Variants in KCNQ4 observed in about 807,000 individuals in gnomAD.
KCNQ4 encodes the protein potassium voltage-gated channel subfamily Q member 4.
A neutral mutation model predicts 72.6 loss-of-function variants in KCNQ4; 31 were observed. The observed-to-expected ratio is 0.43, with a 90% CI of 0.32 to 0.58. The LOEUF is 0.58. Ranked by LOEUF, KCNQ4 falls within the 20% of genes least tolerant of loss-of-function variation. The pLI is 0.08. For missense variants in KCNQ4, 869 were observed against 962.6 expected, an observed-to-expected ratio of 0.90 and a Z score of 1.29; for synonymous variants, 405 against 403.7, an observed-to-expected ratio of 1.00 and a Z score of -0.04.
rs947331847 is a variant in KCNQ4, at chr1:40,788,700, CCTG to C, written c.314+4294_314+4296del. On this transcript the variant is annotated intron_variant, in intron 1 of 13. Transcript: ENST00000347132. This position sits in a 1 kb window ranked among gnomAD's most constrained non-coding sequence, Gnocchi z 4.5. ...GTCCAGGCTCCTCAAGAACAGCACTCCTGTGTCATCTGTCCGTCCATCCCAGCA... is the reference window on the plus strand; with the variant it reads ...GTCCAGGCTCCTCAAGAACAGCACTCTGTCATCTGTCCGTCCATCCCAGCA... Among the ~76,000 whole-genome samples the C allele has an allele frequency of 2.0e-5, 3 of 152,198 alleles. No individual in the cohort carries two copies. The highest frequency in any genetic ancestry group is 4.4e-5 in the Non-Finnish European group (3 of 68,036).
At chr1:40,821,617 G>C (rs1648293887) in intron 7 of KCNQ4, among the ~76,000 whole-genome samples, 1 of 152,176 alleles carries the variant, frequency 6.6e-6, no homozygotes, top group Non-Finnish European at 1.5e-5. Flanking sequence ...TATTCCCATG[G>C]GCAGTGACAG....
At chr1:40,821,089 C>T (rs1214851750) in intron 7 of KCNQ4, among the ~76,000 whole-genome samples, 1 of 152,228 alleles carries the variant, frequency 6.6e-6, no homozygotes, top group Non-Finnish European at 1.5e-5. Context: ...TCTCCAGCCA[C>T]CAGCTCAGCC....
At chr1:40,822,500 G>A in intron 8 of KCNQ4, 98 bp downstream of exon 8, 1 of 1,002,456 alleles carries the variant, frequency 1.0e-6, no homozygotes, top group Non-Finnish European at 1.5e-6. Flanking sequence ...GAAAGGGGGT[G>A]ATGGCTCCCA....
intron 4 of KCNQ4, chr1:40,819,123 A>C: frequency 6.3e-6 from 2 of 318,912 alleles, no homozygotes; most frequent in Non-Finnish European, 5.5e-6. Flanking sequence ...GACTCAAGGC[A>C]GGCGGGGTGA....
Position 40,838,304 on chromosome 1 carries a change from T to G in KCNQ4, c.1876-7T>G, listed in dbSNP as rs958037925. On this transcript the variant is annotated splice_region_variant and splice_polypyrimidine_tract_variant and intron_variant, in intron 13 of 13. Transcript: ENST00000347132. The stretch of plus-strand genomic sequence containing the variant: ...GGCCCTGCTTCCCAGCTGCGCCCCG[T>G]CCCCAGGTGCAGTCCATCGAGCACA... The G allele has an allele frequency of 6.2e-7, 1 of 1,612,328 alleles. No homozygotes were observed. Among genetic ancestry groups the G allele is most frequent in the African/African-American group, 1.3e-5 (1 of 74,756 alleles).
rs1050169716 is a variant in KCNQ4 at position 40,838,496 on chromosome 1, C to T, written c.2061C>T (p.Ser687=). Reference sequence around the variant, plus strand: ...TCTCCGCACAGACGCTCAGCATCTCCCGCTCGGTCAGCACCAACATGGACT... The same window carrying T: ...TCTCCGCACAGACGCTCAGCATCTCTCGCTCGGTCAGCACCAACATGGACT... ...ISVSAQTLSI[S]RSVSTNMD Residue 687 remains serine, a synonymous_variant, in exon 14 of 14, where the codon TCC becomes TCT. Transcript: ENST00000347132. The T allele has an allele frequency of 5.6e-6, 9 of 1,614,046 alleles. No homozygotes were observed. In the African/African-American group the frequency reaches 1.2e-4, roughly 22 times the overall value.
chr1:40,815,422 G>T (rs1007998454), intron 1 of KCNQ4, among the ~76,000 whole-genome samples: 2 of 152,128 alleles, frequency 1.3e-5, no homozygotes, highest in African/African-American at 4.8e-5. Flanking sequence ...CGAGGAGAGG[G>T]CTGCATGAGA....
At chr1:40,787,927 A>G (rs1172027106) in intron 1 of KCNQ4, among the ~76,000 whole-genome samples, 1 of 152,126 alleles carries the variant, frequency 6.6e-6, no homozygotes, top group Non-Finnish European at 1.5e-5. Context: ...CCCAGCCACT[A>G]TGAGCCGCAG....
intron 9 of KCNQ4, 30 bp downstream of exon 9, chr1:40,824,288 C>G (rs896759178): frequency 1.3e-6 from 2 of 1,593,856 alleles, no homozygotes; most frequent in African/African-American, 2.7e-5. Flanking sequence ...GCCACCTCCT[C>G]TTGCTTCTCC....
intron 10 of KCNQ4, among the ~76,000 whole-genome samples, chr1:40,832,662 T>A (rs1363295666): frequency 1.3e-5 from 2 of 152,190 alleles, no homozygotes; most frequent in Non-Finnish European, 2.9e-5. Flanking sequence ...ATCAAACCCC[T>A]TATCTCTGGG....
At chr1:40,819,173 T>G (rs1205313445) in intron 4 of KCNQ4, among the ~76,000 whole-genome samples, 174 bp from the exon 5 acceptor site, 6 of 142,064 alleles carry the variant, frequency 4.2e-5, no homozygotes, top group Non-Finnish European at 6.1e-5. Flanking sequence ...GGGGGAGTGC[T>G]GGCGGTTTCG....
rs80358273 is a variant in KCNQ4, at chr1:40,818,518, C to G, written c.546C>G (p.Phe182Leu). The G allele has an allele frequency of 9.1e-5, 146 of 1,601,810 alleles. No homozygotes were observed. The East Asian group carries it at 3.1e-3, about 34-fold the overall frequency. ...CCGCCCCTGCAGACTTCATCGTGTTCGTGGCCTCGGTGGCCGTCATCGCCG... is the reference window on the plus strand; with the variant it reads ...CCGCCCCTGCAGACTTCATCGTGTTGGTGGCCTCGGTGGCCGTCATCGCCG... ...KPFCVIDFIV[F>L]VASVAVIAAG... Residue 182 changes from phenylalanine to leucine, a missense_variant, in exon 4 of 14, where the codon TTC (phenylalanine) becomes TTG (leucine). Phe to Leu is a conservative substitution (Grantham distance 22). Around this residue, in one of 5 missense-constraint regions of KCNQ4, gnomAD observed 179 missense variants for 243.0 expected, o/e 0.74. Coordinates refer to ENST00000347132, the MANE Select transcript of KCNQ4 (RefSeq NM_004700.4).
chr1:40,822,413 C>T lies in KCNQ4; in HGVS notation c.1130+11C>T. The T allele has an allele frequency of 3.6e-6, 1 of 277,188 alleles. No homozygotes were observed. The highest frequency in any genetic ancestry group is 4.7e-4 in the Middle Eastern group (1 of 2,144). 17.2% of individuals were successfully genotyped at this position (277,188 alleles called of 1,614,324 possible). A position where few individuals can be genotyped will look rare whatever the true frequency, so the allele number is the denominator to read the frequency against. On this transcript the variant is annotated intron_variant, in intron 8 of 13. Transcript: ENST00000347132. ...CCTCCCATCCTTCAGGTAGGTCCTG[C>T]TGGGGGTGGGGGTGGGTGGGGGGCT...
chr1:40,833,197 T>G, intron 11 of KCNQ4, 84 bp downstream of exon 11: 1 of 1,015,906 alleles, frequency 9.8e-7, no homozygotes, highest in Non-Finnish European at 1.5e-6. Context: ...TCACTTGAGG[T>G]CAGGAGTTTG....
chr1:40,832,153 C>T (rs1027262841), intron 10 of KCNQ4, among the ~76,000 whole-genome samples: 2 of 152,234 alleles, frequency 1.3e-5, no homozygotes, highest in African/African-American at 4.8e-5. Context: ...TTGGACCAAG[C>T]CCCCTGGAAG....
chr1:40,789,877 C>T (rs1384268734), intron 1 of KCNQ4, among the ~76,000 whole-genome samples: 1 of 152,236 alleles, frequency 6.6e-6, no homozygotes, highest in Non-Finnish European at 1.5e-5. Context: ...AAGGCCGAGG[C>T]CCTGCCCACA....
At chr1:40,811,455 G>T (rs1250576160) in intron 1 of KCNQ4, among the ~76,000 whole-genome samples, 1 of 152,148 alleles carries the variant, frequency 6.6e-6, no homozygotes, top group African/African-American at 2.4e-5. Flanking sequence ...TTGTAGAAAG[G>T]CATATTTTCC....
At position 40,822,379 on chromosome 1, in the gene KCNQ4, T is replaced by C. The variant is rs1648328260; in HGVS notation, c.1107T>C (p.Tyr369=). ...RAYLTATWYY[Y]DSILPSFREL... Reference sequence around the variant, plus strand: ...ACCTGACAGCCACCTGGTACTACTATGACAGTATCCTCCCATCCTTCAGGT... The same window carrying C: ...ACCTGACAGCCACCTGGTACTACTACGACAGTATCCTCCCATCCTTCAGGT... The change falls in exon 8 of 14, where the codon TAT becomes TAC. Residue 369 remains tyrosine (Y), a synonymous_variant. Coordinates refer to ENST00000347132, the MANE Select transcript of KCNQ4 (RefSeq NM_004700.4). 1 of 1,430,008 alleles carries C rather than the reference T, an allele frequency of 7.0e-7. No individual in the cohort carries two copies. The highest frequency in any genetic ancestry group is 9.3e-7 in the Non-Finnish European group (1 of 1,075,046). The allele number at this position is 1,430,008 out of a possible 1,614,324, so 88.6% of individuals were successfully genotyped here.
intron 9 of KCNQ4, among the ~76,000 whole-genome samples, chr1:40,827,172 C>T (rs1373818593): frequency 6.6e-6 from 1 of 152,218 alleles, no homozygotes; most frequent in Non-Finnish European, 1.5e-5. Context: ...GCGGCATCTC[C>T]ATGGCATTCC....
Sources: allele counts gnomAD v4.1 joint callset (sites outside exome capture counted in the v4.1 genomes callset), GRCh38; gene constraint gnomAD v4.1.1; regional missense constraint gnomAD v4.1.1; non-coding constraint Gnocchi (gnomAD v3.1); transcripts MANE v1.5; gene names NCBI Gene and HGNC (gene_info 2026-07-23, HGNC 2026-07-21).